The following WDR27 variants were observed in gnomAD, a reference collection of about 807,000 sequenced individuals.
WDR27 encodes the protein WD repeat-containing protein 27.
Under a neutral mutation model 114.4 loss-of-function variants are expected in WDR27, and 100 were observed. The ratio of observed to expected loss-of-function variants is 0.87; its 90% confidence interval spans 0.74 to 1.03. WDR27 has a LOEUF of 1.03. Among genes scored for constraint, WDR27 ranks in the 50% least tolerant of loss-of-function variants. WDR27 has a pLI of 0.00. For synonymous variants in WDR27, 449 were observed against 423.1 expected (o/e 1.06, Z -0.75); for missense variants, 1,129 against 1,092.9 (o/e 1.03, Z -0.47).
At chr6:169,583,440 T>C (rs1803863134) in intron 23 of WDR27, among the ~76,000 whole-genome samples, 1 of 150,120 alleles carries the variant, frequency 6.7e-6, no homozygotes, top group African/African-American at 2.5e-5. Context: ...TTTATAGCTG[T>C]TGATAAATAA....
Position 169,585,988 on chromosome 6 carries a change from T to C in WDR27, c.2425-3054A>G, listed in dbSNP as rs78712407. 3.4e-3 allele frequency among the ~76,000 whole-genome samples: 516 copies of C among 152,342 alleles called. 6 individuals carry two copies. Among genetic ancestry groups the C allele is most frequent in the East Asian group, 0.033 (170 of 5,190 alleles). ...CCATTTGCTTTCGTTTCAGTGCCTATATCATAGAAGGATCCGTGTCGTGAA... is the reference window on the plus strand; with the variant it reads ...CCATTTGCTTTCGTTTCAGTGCCTACATCATAGAAGGATCCGTGTCGTGAA... On this transcript the variant is annotated intron_variant, in intron 23 of 25. Coordinates refer to ENST00000448612, the MANE Select transcript of WDR27 (RefSeq NM_182552.5).
rs1788221351 is a variant in WDR27, at chr6:169,702,005, C to G, written c.-462G>C. The G allele has an allele frequency of 2.4e-6, 1 of 423,510 alleles. No individual in the cohort carries two copies. Among genetic ancestry groups the G allele is most frequent in the African/African-American group, 2.0e-5 (1 of 49,334 alleles). The allele number at this position is 423,510 out of a possible 1,614,324, so 26.2% of individuals were successfully genotyped here. A position where few individuals can be genotyped will look rare whatever the true frequency, so the allele number is the denominator to read the frequency against. On this transcript the variant is annotated 5_prime_UTR_variant, in exon 1 of 26. Transcript: ENST00000448612. ...GCTCGCCGCTATGGTTACTTGCCAG[C>G]CGACCCACGCGAGCCGCTATGGTTA... is the stretch of plus-strand genomic sequence containing the variant.
intron 25 of WDR27, among the ~76,000 whole-genome samples, chr6:169,570,097 C>T (rs886277882): frequency 1.3e-5 from 2 of 152,142 alleles, no homozygotes; most frequent in South Asian, 2.1e-4. Context: ...TCATGGTCTG[C>T]GGGGTCATAG....
intron 25 of WDR27, among the ~76,000 whole-genome samples, chr6:169,467,963 A>C (rs1305103248): frequency 6.6e-6 from 1 of 152,230 alleles, no homozygotes; most frequent in Non-Finnish European, 1.5e-5. Flanking sequence ...TTTTAAGAGC[A>C]TCCAAGTCGC....
At chr6:169,633,453 A>T (rs1323689417) in intron 20 of WDR27, among the ~76,000 whole-genome samples, 1 of 152,234 alleles carries the variant, frequency 6.6e-6, no homozygotes, top group Non-Finnish European at 1.5e-5. Context: ...CTAAGATTAG[A>T]CAGATCCACA....
At chr6:169,481,896 G>C (rs527848280) in intron 25 of WDR27, among the ~76,000 whole-genome samples, 2 of 152,326 alleles carry the variant, frequency 1.3e-5, no homozygotes, top group South Asian at 4.1e-4. Flanking sequence ...GTGAGGGTCC[G>C]CGGCTTCATT....
At chr6:169,612,246 C>A (rs1301740098) in intron 22 of WDR27, among the ~76,000 whole-genome samples, 1 of 150,992 alleles carries the variant, frequency 6.6e-6, no homozygotes, top group African/African-American at 2.4e-5. Flanking sequence ...GGTGAGACCC[C>A]ATCTCTACTA....
intron 25 of WDR27, among the ~76,000 whole-genome samples, chr6:169,517,695 C>T (rs546146935): frequency 1.3e-5 from 2 of 152,178 alleles, no homozygotes; most frequent in East Asian, 3.9e-4. Flanking sequence ...ATTGGAATGC[C>T]TTAATTTCTT....
chr6:169,481,933 A>G (rs866104215), intron 25 of WDR27, among the ~76,000 whole-genome samples: 24 of 152,284 alleles, frequency 1.6e-4, no homozygotes, highest in Middle Eastern at 3.4e-3. Flanking sequence ...CCAAGAACAC[A>G]CCAATTCCGG....
chr6:169,673,399 A>C (rs1268085489), intron 2 of WDR27, among the ~76,000 whole-genome samples: 2 of 152,006 alleles, frequency 1.3e-5, no homozygotes, highest in East Asian at 3.9e-4. Context: ...AACTGGACAA[A>C]ATTAAATATA....
chr6:169,699,523 T>C (rs1787252414), intron 1 of WDR27, among the ~76,000 whole-genome samples: 1 of 152,086 alleles, frequency 6.6e-6, no homozygotes, highest in South Asian at 2.1e-4. Flanking sequence ...GCCTAAGAAG[T>C]ATCAAGCAAA....
intron 25 of WDR27, among the ~76,000 whole-genome samples, chr6:169,509,404 A>G (rs1281420668): frequency 1.3e-5 from 2 of 152,192 alleles, no homozygotes; most frequent in African/African-American, 2.4e-5. Flanking sequence ...AGTAACCAAA[A>G]CAGCATGGTA....
intron 25 of WDR27, among the ~76,000 whole-genome samples, chr6:169,508,569 A>T (rs1209261393): frequency 6.6e-6 from 1 of 152,236 alleles, no homozygotes; most frequent in East Asian, 1.9e-4. Context: ...GTCTCTATGA[A>T]TTGTCTGCAT....
intron 25 of WDR27, among the ~76,000 whole-genome samples, chr6:169,489,568 C>G (rs1789458222): frequency 6.6e-6 from 1 of 152,210 alleles, no homozygotes; most frequent in Non-Finnish European, 1.5e-5. Context: ...CATTGCACGT[C>G]TCTGTGAAAA....
chr6:169,483,603 C>T (rs972913714), intron 25 of WDR27, among the ~76,000 whole-genome samples: 3 of 152,118 alleles, frequency 2.0e-5, no homozygotes, highest in Admixed American at 6.5e-5. Context: ...ACCATTCCTA[C>T]TAAAACTATT....
At chr6:169,486,503 A>T (rs1407803760) in intron 25 of WDR27, among the ~76,000 whole-genome samples, 1 of 150,296 alleles carries the variant, frequency 6.7e-6, no homozygotes, top group East Asian at 2.0e-4. Context: ...ATTTCATTTC[A>T]TTTTTTGAGA....
rs187060224 is a variant in WDR27, at chr6:169,526,219, G to C, written c.2645+46200C>G. On this transcript the variant is annotated intron_variant, in intron 25 of 25. Coordinates refer to ENST00000448612, the MANE Select transcript of WDR27 (RefSeq NM_182552.5). ...ATACATTATGTGCAAATGGATCAGAGGCTTAAATGTCACAGCTAAAGCTAT... is the reference window on the plus strand; with the variant it reads ...ATACATTATGTGCAAATGGATCAGACGCTTAAATGTCACAGCTAAAGCTAT... Among the ~76,000 whole-genome samples, 9 of 152,286 alleles carry C rather than the reference G, an allele frequency of 5.9e-5. No homozygotes were observed. In the East Asian group the frequency reaches 1.7e-3, roughly 29 times the overall value.
intron 13 of WDR27, among the ~76,000 whole-genome samples, chr6:169,654,872 C>T (rs376809187): frequency 6.6e-6 from 1 of 152,174 alleles, no homozygotes; most frequent in Non-Finnish European, 1.5e-5. Flanking sequence ...CAGAAGGAAG[C>T]GCGCACAGAG....
chr6:169,633,142 T>G (rs1816830845), intron 20 of WDR27, 74 bp from the exon 21 acceptor site: 1 of 1,413,370 alleles, frequency 7.1e-7, no homozygotes, highest in African/African-American at 1.4e-5. Context: ...TCTCTTTTAC[T>G]AATAAAAACT....
Sources: gnomAD v4.1 joint callset for allele counts (sites outside exome capture counted in the v4.1 genomes callset) on GRCh38, gnomAD v4.1.1 for gene constraint, MANE v1.5 for transcripts, NCBI Gene and HGNC (gene_info 2026-07-23, HGNC 2026-07-21) for gene names.